The following PMFBP1 variants were observed in gnomAD, a reference collection of about 807,000 sequenced individuals.
PMFBP1 encodes polyamine-modulated factor 1-binding protein 1.
A neutral mutation model predicts 137.8 loss-of-function variants in PMFBP1; 131 were observed. The observed-to-expected ratio is 0.95, with a 90% CI of 0.82 to 1.10. The LOEUF is 1.10. Among genes scored for constraint, PMFBP1 ranks in the 50% least tolerant of loss-of-function variants. The pLI, the probability that PMFBP1 is intolerant of heterozygous loss-of-function variation, is 0.00. For synonymous variants in PMFBP1, 490 were observed against 450.4 expected, an observed-to-expected ratio of 1.09 and a Z score of -1.11; for missense variants, 1,199 against 1,175.4, an observed-to-expected ratio of 1.02 and a Z score of -0.29.
At chr16:72,186,587 G>A in the PMFBP1 span, among the ~76,000 whole-genome samples, 3 of 152,210 alleles carry the variant, frequency 2.0e-5, no homozygotes, top group Admixed American at 6.5e-5. Context: ...CAATTGCTTC[G>A]TGTACATTAG....
At chr16:72,136,626 G>A in intron 8 of PMFBP1, 21 bp from the exon 9 acceptor site, 1 of 1,614,120 alleles carries the variant, frequency 6.2e-7, no homozygotes, top group Non-Finnish European at 8.5e-7. Context: ...GCGGGACAGA[G>A]TCTATGCTCA....
At chr16:72,224,672 T>A in the PMFBP1 span, 8 of 152,488 alleles carry the variant, frequency 5.2e-5, no homozygotes, top group African/African-American at 1.9e-4. Flanking sequence ...CTCAGTTCCA[T>A]AAAGCTTCTG....
At chr16:72,223,722 C>T in the PMFBP1 span, among the ~76,000 whole-genome samples, 1 of 152,192 alleles carries the variant, frequency 6.6e-6, no homozygotes. Flanking sequence ...GTAGACATGA[C>T]AAAGGAGGGC....
At chr16:72,205,090 T>C in the PMFBP1 span, among the ~76,000 whole-genome samples, 1 of 152,166 alleles carries the variant, frequency 6.6e-6, no homozygotes, top group Non-Finnish European at 1.5e-5. Flanking sequence ...ATCCTCAGTG[T>C]GTCTAGGCTG....
At chr16:72,128,953 C>A in intron 13 of PMFBP1, 113 bp downstream of exon 13, 2 of 1,515,470 alleles carry the variant, frequency 1.3e-6, no homozygotes, top group Non-Finnish European at 1.8e-6. Context: ...CACTGTCCCT[C>A]CCGTCTTTCC....
chr16:72,195,981 ATGTGTGTGTGTGTGTGTGTGTGTG>A, the PMFBP1 span, among the ~76,000 whole-genome samples: 29 of 145,060 alleles, frequency 2.0e-4, no homozygotes, highest in South Asian at 1.2e-3. Context: ...AGCTTACAGA[ATGTGTGTGTGTGTGTGTGTGTGTG>A]TGTGTGTGTG....
chr16:72,176,439 T>C (rs1487195804), upstream of PMFBP1, among the ~76,000 whole-genome samples: 1 of 152,240 alleles, frequency 6.6e-6, no homozygotes, highest in South Asian at 2.1e-4. Context: ...TCTAAAAGAC[T>C]CTATCTCCTA....
Position 72,125,975 on chromosome 16 carries a change from AG to A in PMFBP1, c.2245del (p.Leu749SerfsTer7), listed in dbSNP as rs2144253623. On this transcript the variant is annotated frameshift_variant, in exon 15 of 21. Transcript: ENST00000237353. LOFTEE classifies it high-confidence loss of function. ...AACQDDLTQA[L>X]EKLNHVTSET... ...TAGAGGGTGTGGCCTCACCTTCTCGAGGGCTTGTGTCAGGTCATCCTGGCAG... is the reference window on the plus strand; with the variant it reads ...TAGAGGGTGTGGCCTCACCTTCTCGAGGCTTGTGTCAGGTCATCCTGGCAG... 6.2e-7 allele frequency: 1 copy of A among 1,613,890 alleles called. No individual in the cohort carries two copies. Among genetic ancestry groups the A allele is most frequent in the Non-Finnish European group, 8.5e-7 (1 of 1,179,918 alleles).
At chr16:72,237,630 A>G in the PMFBP1 span, among the ~76,000 whole-genome samples, 1 of 152,100 alleles carries the variant, frequency 6.6e-6, no homozygotes, top group African/African-American at 2.4e-5. Context: ...AGCCAACTCT[A>G]TATGTCTTTT....
intron 2 of PMFBP1, among the ~76,000 whole-genome samples, chr16:72,169,615 A>T (rs1390577252): frequency 1.3e-5 from 2 of 152,162 alleles, no homozygotes; most frequent in African/African-American, 4.8e-5. Flanking sequence ...CCCAGAACTT[A>T]AAGTATAATA....
At chr16:72,162,717 T>C (rs1225340022) in intron 3 of PMFBP1, among the ~76,000 whole-genome samples, 3 of 152,240 alleles carry the variant, frequency 2.0e-5, no homozygotes, top group Non-Finnish European at 4.4e-5. Flanking sequence ...TTAGACCTTC[T>C]TCTGGGCAAT....
chr16:72,123,167 C>A (rs528151768), intron 18 of PMFBP1, among the ~76,000 whole-genome samples, 179 bp from the exon 19 acceptor site: 1 of 152,168 alleles, frequency 6.6e-6, no homozygotes, highest in Non-Finnish European at 1.5e-5. Flanking sequence ...TCAGAGGACT[C>A]TCTGAACTCA....
At chr16:72,126,263 C>T in intron 14 of PMFBP1, 131 bp from the exon 15 acceptor site, 3 of 967,108 alleles carry the variant, frequency 3.1e-6, no homozygotes, top group Non-Finnish European at 4.6e-6. Context: ...CGTGTTAACA[C>T]TCACATCTTC....
At chr16:72,118,209 G>C (rs903154730), downstream of PMFBP1, among the ~76,000 whole-genome samples, 3 of 152,180 alleles carry the variant, frequency 2.0e-5, no homozygotes, top group Admixed American at 6.5e-5. Context: ...GGCTAGATGA[G>C]TACTAGATTT....
chr16:72,213,814 T>C, the PMFBP1 span, among the ~76,000 whole-genome samples: 2 of 152,306 alleles, frequency 1.3e-5, no homozygotes, highest in East Asian at 1.9e-4. Flanking sequence ...GATTAGTAGG[T>C]AGCAAATTTT....
intron 14 of PMFBP1, among the ~76,000 whole-genome samples, chr16:72,128,148 G>A (rs890364180): frequency 6.6e-6 from 1 of 152,072 alleles, no homozygotes; most frequent in Non-Finnish European, 1.5e-5. Flanking sequence ...TTTCTTTTTG[G>A]CAGTAAAGCA....
chr16:72,150,754 G>C lies in PMFBP1; in HGVS notation c.490C>G (p.Leu164Val). The C allele has an allele frequency of 6.2e-7, 1 of 1,614,228 alleles. No individual in the cohort carries two copies. The highest frequency in any genetic ancestry group is 8.5e-7 in the Non-Finnish European group (1 of 1,180,048). The change falls in exon 5 of 21, where the codon CTC becomes GTC. Residue 164 changes from leucine (L) to valine (V), a missense_variant. Transcript: ENST00000237353. The stretch of plus-strand genomic sequence containing the variant: ...GCGATCTTGTCCCCGGCCAAGGCGA[G>C]TTGCTCCTGCGCCAAATGGAGCTTC... ...GEKLHLAQEQLALAGDKIASL... is the reference protein window; with the variant it reads ...GEKLHLAQEQVALAGDKIASL...
intron 4 of PMFBP1, among the ~76,000 whole-genome samples, chr16:72,153,933 C>T (rs947884458): frequency 1.3e-5 from 2 of 148,292 alleles, no homozygotes; most frequent in African/African-American, 5.0e-5. Flanking sequence ...CACACACACA[C>T]ACACACACAC....
chr16:72,219,600 T>C, the PMFBP1 span, among the ~76,000 whole-genome samples: 7 of 152,158 alleles, frequency 4.6e-5, no homozygotes, highest in Non-Finnish European at 1.0e-4. Flanking sequence ...AGGAGATGTG[T>C]ACTCAGTTTT....
Sources: allele counts gnomAD v4.1 joint callset (sites outside exome capture counted in the v4.1 genomes callset), GRCh38; gene constraint gnomAD v4.1.1; transcripts MANE v1.5; gene names NCBI Gene and HGNC (gene_info 2026-07-23, HGNC 2026-07-21).